The following CADPS2 variants were observed in gnomAD, a reference collection of about 807,000 sequenced individuals.
CADPS2 encodes the protein calcium-dependent secretion activator 2.
A neutral mutation model predicts 172.5 loss-of-function variants in CADPS2; 93 were observed. The observed-to-expected ratio is 0.54, with a 90% CI of 0.46 to 0.64. CADPS2 has a LOEUF of 0.64. Among genes scored for constraint, CADPS2 ranks in the 30% least tolerant of loss-of-function variants. CADPS2 has a pLI of 0.00. For missense variants in CADPS2, 1,420 were observed against 1,565.9 expected, an observed-to-expected ratio of 0.91 and a Z score of 1.57; for synonymous variants, 546 against 555.2, an observed-to-expected ratio of 0.98 and a Z score of 0.23.
chr7:122,624,415 C>T (rs1010334625), intron 4 of CADPS2, among the ~76,000 whole-genome samples: 3 of 152,080 alleles, frequency 2.0e-5, no homozygotes, highest in South Asian at 2.1e-4. Flanking sequence ...TTTTCTTATG[C>T]GCTCTTAACC....
chr7:122,393,636 G>A, intron 20 of CADPS2, 54 bp from the exon 21 acceptor site: 1 of 1,597,274 alleles, frequency 6.3e-7, no homozygotes, highest in Non-Finnish European at 8.6e-7. Flanking sequence ...TCAGACATTT[G>A]GAAAATATGG....
At chr7:122,758,421 C>A (rs1474233872) in intron 1 of CADPS2, among the ~76,000 whole-genome samples, 4 of 152,068 alleles carry the variant, frequency 2.6e-5, no homozygotes, top group Admixed American at 2.0e-4. Flanking sequence ...ATTATAATGA[C>A]CACAGGGGTA....
chr7:122,442,545 T>C (rs2051494749), intron 15 of CADPS2, among the ~76,000 whole-genome samples: 1 of 152,168 alleles, frequency 6.6e-6, no homozygotes, highest in Admixed American at 6.5e-5. Context: ...GGTGGACATA[T>C]TTTCTCAGAT....
chr7:122,731,663 G>A (rs2091653269), intron 2 of CADPS2, among the ~76,000 whole-genome samples: 1 of 143,612 alleles, frequency 7.0e-6, no homozygotes, highest in Non-Finnish European at 1.5e-5. Context: ...AAAAAAAAAA[G>A]GTGAAGAGGG....
intron 12 of CADPS2, chr7:122,480,037 T>C: frequency 2.2e-6 from 1 of 465,024 alleles, no homozygotes; most frequent in Non-Finnish European, 4.5e-6. Flanking sequence ...TGCATTTTGG[T>C]TGGAGAGAAC....
chr7:122,534,921 G>T (rs1021357480), intron 8 of CADPS2, among the ~76,000 whole-genome samples: 4 of 152,030 alleles, frequency 2.6e-5, no homozygotes, highest in African/African-American at 9.7e-5. Context: ...AATGGGGAGG[G>T]ATGTTTCTAT....
intron 25 of CADPS2, among the ~76,000 whole-genome samples, chr7:122,366,630 CACACACACACACACACATATATATACAT>C (rs2040897399): frequency 6.9e-6 from 1 of 144,384 alleles, no homozygotes; most frequent in East Asian, 2.0e-4. Flanking sequence ...CACACACACA[CACACACACACACACACATATATATACAT>C]ACACACATAC....
chr7:122,782,485 T>C (rs1792986831), intron 1 of CADPS2, among the ~76,000 whole-genome samples: 1 of 152,154 alleles, frequency 6.6e-6, no homozygotes, highest in Non-Finnish European at 1.5e-5. Context: ...GTGATGCATG[T>C]CTGCGGTCCC....
intron 2 of CADPS2, chr7:122,698,735 A>T (rs1395531406): frequency 1.2e-6 from 2 of 1,613,792 alleles, no homozygotes; most frequent in Middle Eastern, 1.7e-4. Context: ...CTTCTTCCAA[A>T]GACTCCAGTC....
intron 22 of CADPS2, among the ~76,000 whole-genome samples, chr7:122,389,155 G>T (rs1585523898): frequency 6.6e-6 from 1 of 151,960 alleles, no homozygotes; most frequent in Non-Finnish European, 1.5e-5. Flanking sequence ...ATGCATATGT[G>T]CCTCTGTCAC....
intron 14 of CADPS2, among the ~76,000 whole-genome samples, chr7:122,456,765 T>C (rs1341407430): frequency 1.3e-5 from 2 of 152,304 alleles, no homozygotes; most frequent in South Asian, 2.1e-4. Context: ...GCAAGCTGCA[T>C]ACACACGTGT....
chr7:122,469,555 A>T (rs1054998846), intron 14 of CADPS2, among the ~76,000 whole-genome samples: 2 of 152,102 alleles, frequency 1.3e-5, no homozygotes, highest in Admixed American at 6.6e-5. Flanking sequence ...GATAGTGGGG[A>T]AAAAACTACT....
chr7:122,884,826 C>T (rs6966101), intron 1 of CADPS2, among the ~76,000 whole-genome samples: 20,994 of 152,088 alleles, frequency 0.14, 1,562 homozygotes, highest in Middle Eastern at 0.24. Flanking sequence ...GTCAATTATA[C>T]CTCAAAAAAT....
chr7:122,700,455 T>C (rs67969832), intron 2 of CADPS2, among the ~76,000 whole-genome samples: 10,091 of 152,238 alleles, frequency 0.066, 382 homozygotes, highest in South Asian at 0.17. Context: ...TTTATTTTCA[T>C]ACATCCCTGC....
intron 28 of CADPS2, among the ~76,000 whole-genome samples, chr7:122,344,354 TATC>T (rs147139068): frequency 0.021 from 3,158 of 152,326 alleles, 102 homozygotes; most frequent in African/African-American, 0.072. Context: ...ACAAGCAAAG[TATC>T]ATTTCCTTTG....
intron 1 of CADPS2, among the ~76,000 whole-genome samples, chr7:122,804,716 C>G (rs550765207): frequency 4.6e-5 from 7 of 152,310 alleles, no homozygotes; most frequent in African/African-American, 1.7e-4. Context: ...GTTCCTATAT[C>G]AAATGATGCT....
intron 4 of CADPS2, among the ~76,000 whole-genome samples, chr7:122,628,578 T>C (rs2076292365): frequency 6.6e-6 from 1 of 151,740 alleles, no homozygotes; most frequent in Non-Finnish European, 1.5e-5. Flanking sequence ...AAAATTTTCA[T>C]ATCATTGAAG....
chr7:122,886,358 G>A lies in CADPS2; in HGVS notation c.-21C>T. On this transcript the variant is annotated 5_prime_UTR_variant, in exon 1 of 30. Transcript: ENST00000449022. ...AGCATGGTGCTCGGGGATCCCCGCC[G>A]CTCGGCCCGCGGTCCCCAAGCGCCT... 1 of 1,488,302 alleles carries A rather than the reference G, an allele frequency of 6.7e-7. No individual in the cohort carries two copies. The highest frequency in any genetic ancestry group is 8.9e-7 in the Non-Finnish European group (1 of 1,127,972). The allele number at this position is 1,488,302 out of a possible 1,614,324, so 92.2% of individuals were successfully genotyped here. A position where few individuals can be genotyped will look rare whatever the true frequency, so the allele number is the denominator to read the frequency against.
chr7:122,676,786 A>C, intron 2 of CADPS2: 1 of 921,748 alleles, frequency 1.1e-6, no homozygotes, highest in Non-Finnish European at 1.7e-6. Flanking sequence ...GAACCAAACC[A>C]TCATTTCCAT....
Sources: gnomAD v4.1 joint callset for allele counts (sites outside exome capture counted in the v4.1 genomes callset) on GRCh38, gnomAD v4.1.1 for gene constraint, MANE v1.5 for transcripts, NCBI Gene and HGNC (gene_info 2026-07-23, HGNC 2026-07-21) for gene names.